ZNF662: variants seen among roughly 807,000 people sequenced by gnomAD.
ZNF662 encodes zinc finger protein 662.
In ZNF662, 14 loss-of-function variants were observed where a neutral mutation model predicts 12.4. The ratio of observed to expected loss-of-function variants is 1.13; its 90% CI spans 0.75 to 1.77. The LOEUF (loss-of-function observed/expected upper bound fraction) is 1.77, where lower values mean the gene tolerates loss of function less well. ZNF662 is among the 40% of genes most tolerant of loss of function. ZNF662 has a pLI of 0.00. For synonymous variants in ZNF662, 184 were observed against 176.4 expected, an observed-to-expected ratio of 1.04 and a Z score of -0.34; for missense variants, 550 against 515.6, an observed-to-expected ratio of 1.07 and a Z score of -0.65.
intron 3 of ZNF662, among the ~76,000 whole-genome samples, chr3:42,909,546 G>A (rs1414873584): frequency 1.3e-5 from 2 of 152,116 alleles, no homozygotes; most frequent in South Asian, 4.1e-4. Context: ...AACCGCCATC[G>A]TCATCATGGC....
At chr3:42,912,448 TATATA>T (rs1328386984) in intron 3 of ZNF662, among the ~76,000 whole-genome samples, 2 of 87,454 alleles carry the variant, frequency 2.3e-5, no homozygotes, top group African/African-American at 9.1e-5. Flanking sequence ...TTTTGTATAT[TATATA>T]TTATATGTTA....
intron 2 of ZNF662, 57 bp downstream of exon 2, chr3:42,908,205 T>G: frequency 6.4e-7 from 1 of 1,563,690 alleles, no homozygotes; most frequent in Admixed American, 1.9e-5. Flanking sequence ...CTGGCTCCTT[T>G]TTTCTCAAAG....
Position 42,906,281 on chromosome 3 carries a change from C to A in ZNF662, c.-94+113C>A. 7.0e-7 allele frequency: 1 copy of A among 1,436,608 alleles called. No individual in the cohort carries two copies. The highest frequency in any genetic ancestry group is 9.3e-7 in the Non-Finnish European group (1 of 1,071,504). The allele number at this position is 1,436,608 out of a possible 1,614,324, so 89.0% of individuals were successfully genotyped here. A position where few individuals can be genotyped will look rare whatever the true frequency, so the allele number is the denominator to read the frequency against. ...GTCAGGCCTGCCCAGGTGCAGAGCG[C>A]TCTTCCGCGACCCCAACAGCCTCTG... is the stretch of plus-strand genomic sequence containing the variant. On this transcript the variant is annotated intron_variant, in intron 1 of 4. Transcript: ENST00000440367. This position sits in a 1 kb window ranked among gnomAD's most constrained non-coding sequence, Gnocchi z 4.4.
At position 42,915,212 on chromosome 3, in the gene ZNF662, G is replaced by C. The variant is rs377755545; in HGVS notation, c.1139G>C (p.Arg380Thr). The change falls in exon 5 of 5, where the codon AGA becomes ACA. Residue 380 changes from arginine (R) to threonine (T), a missense_variant. By Grantham distance (71) the Arg-to-Thr change is moderately conservative. Transcript: ENST00000440367. ...FCKAHLIRHQRIHTGERPYKC... is the reference protein window; with the variant it reads ...FCKAHLIRHQTIHTGERPYKC... The stretch of plus-strand genomic sequence containing the variant: ...AAGGCACATCTTATTCGACATCAAA[G>C]AATCCATACTGGGGAAAGACCCTAT... 12 of 1,614,094 alleles carry C rather than the reference G, an allele frequency of 7.4e-6. No homozygotes were observed. In the Admixed American group the frequency reaches 1.0e-4, roughly 13 times the overall value.
chr3:42,909,626 C>A (rs935875954), intron 3 of ZNF662, among the ~76,000 whole-genome samples: 52 of 152,092 alleles, frequency 3.4e-4, no homozygotes, highest in Non-Finnish European at 7.1e-4. Flanking sequence ...CTCCTCACTT[C>A]CCAGATGGGG....
Position 42,914,869 on chromosome 3 carries a change from C to T in ZNF662, c.796C>T (p.His266Tyr). The T allele has an allele frequency of 6.2e-7, 1 of 1,614,146 alleles. No individual in the cohort carries two copies. Among genetic ancestry groups the T allele is most frequent in the Non-Finnish European group, 8.5e-7 (1 of 1,180,034 alleles). Residue 266 changes from histidine to tyrosine, a missense_variant, in exon 5 of 5, where the codon CAC (histidine) becomes TAC (tyrosine). By Grantham distance (83) the His-to-Tyr change is moderately conservative. Transcript: ENST00000440367. ...TGTTTGGAAGTCAAACCTGATTCGT[C>T]ACCAGAGAATACATACTGGAGAGAA... Reference protein sequence around the residue: ...AFVWKSNLIRHQRIHTGEKPF... With the variant: ...AFVWKSNLIRYQRIHTGEKPF...
At position 42,908,123 on chromosome 3, in the gene ZNF662, G is replaced by A. The variant is rs375955609; in HGVS notation, c.9G>A (p.Glu3=). 7.7e-5 allele frequency: 125 copies of A among 1,613,810 alleles called. No individual in the cohort carries two copies. The highest frequency in any genetic ancestry group is 1.6e-4 in the Middle Eastern group (1 of 6,078). Residue 3 remains glutamate, a synonymous_variant, in exon 2 of 5, where the codon GAG becomes GAA. Transcript: ENST00000440367. The stretch of plus-strand genomic sequence containing the variant: ...CCCTGTACAGGGATGTGATGCTGGA[G>A]AATTATGGGGCTGTGGCTTCCCTGG... The part of the protein sequence containing the change: ML[E]NYGAVASLAA...
chr3:42,913,171 T>C, intron 3 of ZNF662, 30 bp from the exon 4 acceptor site: 2 of 1,549,384 alleles, frequency 1.3e-6, no homozygotes, highest in Non-Finnish European at 1.8e-6. Context: ...TCTGACTGAG[T>C]CAGCCTTATT....
At chr3:42,908,560 T>C (rs1028926093) in intron 2 of ZNF662, 45 of 1,348,358 alleles carry the variant, frequency 3.3e-5, no homozygotes, top group Non-Finnish European at 4.0e-5. Flanking sequence ...CCTCAATGAG[T>C]GAAATCATCC....
At chr3:42,911,988 T>C (rs2088797339) in intron 3 of ZNF662, 1 of 151,916 alleles carries the variant, frequency 6.6e-6, no homozygotes, top group African/African-American at 2.4e-5. Context: ...CCTGATTCTA[T>C]TCTATGTGAA....
Position 42,914,343 on chromosome 3 carries a change from G to T in ZNF662, c.270G>T (p.Arg90Ser), listed in dbSNP as rs1258088468. 1.2e-6 allele frequency: 2 copies of T among 1,603,312 alleles called. No individual in the cohort carries two copies. The highest frequency in any genetic ancestry group is 2.2e-5 in the East Asian group (1 of 44,806). The part of the protein sequence containing the change: ...SLICPEGVLK[R>S]KKEDFILKEE... The stretch of plus-strand genomic sequence containing the variant: ...TTTTTTCAGAGGGTGTGTTGAAGAG[G>T]AAGAAAGAAGATTTTATTCTGAAGG... Residue 90 changes from arginine to serine, a missense_variant, in exon 5 of 5, where the codon AGG becomes AGT. Coordinates refer to ENST00000440367, the MANE Select transcript of ZNF662 (RefSeq NM_207404.4).
rs114734905 is a variant in ZNF662 at position 42,918,417 on chromosome 3, C to A, written c.*3063C>A. Among the ~76,000 whole-genome samples the A allele has an allele frequency of 6.6e-6, 1 of 152,094 alleles. No homozygotes were observed. Among genetic ancestry groups the A allele is most frequent in the African/African-American group, 2.4e-5 (1 of 41,434 alleles). On this transcript the variant is annotated 3_prime_UTR_variant, in exon 5 of 5. Transcript: ENST00000440367. ...GAGCTGAAGAGCCTAGTCTTCTCCC[C>A]CTGCATGAATTCCTGGTGGCTACAC...
intron 3 of ZNF662, among the ~76,000 whole-genome samples, chr3:42,911,564 C>G (rs2088790445): frequency 6.6e-6 from 1 of 152,160 alleles, no homozygotes; most frequent in Admixed American, 6.5e-5. Flanking sequence ...CATACATGTC[C>G]CTACTCAAAG....
intron 3 of ZNF662, 88 bp downstream of exon 3, chr3:42,908,997 T>C: frequency 2.4e-6 from 2 of 839,478 alleles, no homozygotes; most frequent in Non-Finnish European, 3.7e-6. Flanking sequence ...TTTAATCTAG[T>C]GTTGTAGACA....
At chr3:42,910,416 C>T (rs989190784) in intron 3 of ZNF662, among the ~76,000 whole-genome samples, 5 of 152,160 alleles carry the variant, frequency 3.3e-5, no homozygotes, top group African/African-American at 7.2e-5. Flanking sequence ...TTTATTCATC[C>T]TGGCTCCTCT....
rs2088841040 is a variant in ZNF662 at position 42,912,720 on chromosome 3, A to ATATATATAAATATATATATTT, written c.152-480_152-479insATATATAAATATATATATTTT. On this transcript the variant is annotated intron_variant, in intron 3 of 4. Coordinates refer to ENST00000440367, the MANE Select transcript of ZNF662 (RefSeq NM_207404.4). ...TTTATATATATAAATATATATATAT[A>ATATATATAAATATATATATTT]TTTTTTATATATATAAATATATATA... Among the ~76,000 whole-genome samples, 13 of 66,410 alleles carry ATATATATAAATATATATATTT rather than the reference A, an allele frequency of 2.0e-4. 1 individual carries two copies. Among genetic ancestry groups the ATATATATAAATATATATATTT allele is most frequent in the African/African-American group, 7.6e-4 (13 of 17,202 alleles). The allele number at this position is 66,410 out of a possible 152,430, so 43.6% of individuals were successfully genotyped here.
rs557459038 is a variant in ZNF662, at chr3:42,914,721, A to G, written c.648A>G (p.Gly216=). The G allele has an allele frequency of 6.2e-7, 1 of 1,614,232 alleles. No homozygotes were observed. The highest frequency in any genetic ancestry group is 1.1e-5 in the South Asian group (1 of 91,082). ...DFDQHQKTHN[G]EKVYGCKECG... ...ATCAACACCAGAAAACTCATAATGG[A>G]GAGAAGGTCTATGGATGTAAGGAAT... Residue 216 remains glycine, a synonymous_variant, in exon 5 of 5, where the codon GGA becomes GGG. Coordinates refer to ENST00000440367, the MANE Select transcript of ZNF662 (RefSeq NM_207404.4).
Position 42,915,352 on chromosome 3 carries a change from TAGAG to T in ZNF662, c.*1_*4del. 5.8e-6 allele frequency: 9 copies of T among 1,559,216 alleles called. No homozygotes were observed. The highest frequency in any genetic ancestry group is 7.8e-6 in the Non-Finnish European group (9 of 1,157,102). On this transcript the variant is annotated stop_retained_variant and 3_prime_UTR_variant, in exon 5 of 5. Transcript: ENST00000440367. ...TCAGATCTCTCACCTTCTTGAACATTAGAGAGTGCATAATGGTGATACTTGTTTA... is the reference window on the plus strand; with the variant it reads ...TCAGATCTCTCACCTTCTTGAACATTAGTGCATAATGGTGATACTTGTTTA...
At chr3:42,907,599 T>C (rs754140085) in intron 1 of ZNF662, 128 of 828,386 alleles carry the variant, frequency 1.5e-4, no homozygotes, top group Non-Finnish European at 1.8e-4. Context: ...ACGGATCTGA[T>C]AGTAGGCTAT....
Sources: gnomAD v4.1 joint callset for allele counts (sites outside exome capture counted in the v4.1 genomes callset) on GRCh38, gnomAD v4.1.1 for gene constraint, Gnocchi (gnomAD v3.1) non-coding constraint, MANE v1.5 for transcripts, NCBI Gene and HGNC (gene_info 2026-07-23, HGNC 2026-07-21) for gene names.